FYB1: variants seen among roughly 807,000 people sequenced by gnomAD.
The protein encoded by FYB1 is FYN binding protein 1, also known as FYN-binding protein 1.
A neutral mutation model predicts 94.1 loss-of-function variants in FYB1; 41 were observed. The ratio of observed to expected loss-of-function variants is 0.44; its 90% CI spans 0.34 to 0.57. The LOEUF (loss-of-function observed/expected upper bound fraction) is 0.57, where lower values mean the gene tolerates loss of function less well. FYB1 is among the 20% of genes least tolerant of loss of function. The pLI, the probability that FYB1 is intolerant of heterozygous loss-of-function variation, is 0.02. For missense variants in FYB1, 1,050 were observed against 976.8 expected, an observed-to-expected ratio of 1.07 and a Z score of -1.00; for synonymous variants, 367 against 353.2, an observed-to-expected ratio of 1.04 and a Z score of -0.44.
chr5:39,151,269 A>G (rs1253139315), intron 3 of FYB1, among the ~76,000 whole-genome samples: 1 of 152,104 alleles, frequency 6.6e-6, no homozygotes, highest in African/African-American at 2.4e-5. Flanking sequence ...TCAAGTGCTA[A>G]TACCATATTC....
intron 3 of FYB1, among the ~76,000 whole-genome samples, chr5:39,144,869 A>C (rs1213745551): frequency 6.6e-6 from 1 of 152,194 alleles, no homozygotes; most frequent in Non-Finnish European, 1.5e-5. Context: ...TATACTTTGG[A>C]TTCTTATTCA....
At chr5:39,189,402 AG>A (rs1747160541) in intron 2 of FYB1, among the ~76,000 whole-genome samples, 1 of 152,214 alleles carries the variant, frequency 6.6e-6, no homozygotes, top group African/African-American at 2.4e-5. Flanking sequence ...GTTCATTTCT[AG>A]TAATACAATG....
intron 2 of FYB1, among the ~76,000 whole-genome samples, chr5:39,156,273 C>T (rs994534882): frequency 6.6e-6 from 1 of 152,096 alleles, no homozygotes; most frequent in Non-Finnish European, 1.5e-5. Context: ...TCTGCTTACT[C>T]GACATCTATT....
At chr5:39,193,845 A>G (rs747905079) in intron 2 of FYB1, among the ~76,000 whole-genome samples, 1 of 152,232 alleles carries the variant, frequency 6.6e-6, no homozygotes, top group Non-Finnish European at 1.5e-5. Flanking sequence ...AGACGAGCAC[A>G]GCTAACATTT....
chr5:39,211,715 T>G (rs1010912007), intron 1 of FYB1, among the ~76,000 whole-genome samples: 3 of 152,208 alleles, frequency 2.0e-5, no homozygotes, highest in Non-Finnish European at 2.9e-5. Flanking sequence ...GGAAAGATAC[T>G]GTTTGTCAAG....
rs374289260 is a variant in FYB1, at chr5:39,124,232, C to T, written c.2071+21G>A. ...GCAAGAAATGAAGATACAGAACATA[C>T]AATCAGTTTTTATTACTTACCCAAT... is the stretch of plus-strand genomic sequence containing the variant. On this transcript the variant is annotated intron_variant, in intron 13 of 18. Transcript: ENST00000512982. 7 of 1,523,478 alleles carry T rather than the reference C, an allele frequency of 4.6e-6. No individual in the cohort carries two copies. In the African/African-American group the frequency reaches 7.0e-5, roughly 15 times the overall value. The allele number at this position is 1,523,478 out of a possible 1,614,324, so 94.4% of individuals were successfully genotyped here.
intron 11 of FYB1, among the ~76,000 whole-genome samples, chr5:39,126,467 G>A (rs1262977143): frequency 6.6e-5 from 10 of 151,822 alleles, no homozygotes; most frequent in Non-Finnish European, 1.3e-4. Context: ...AAGCCAAAGT[G>A]GGAGGATTGC....
upstream of FYB1, among the ~76,000 whole-genome samples, chr5:39,223,314 A>C (rs1435747886): frequency 6.6e-6 from 1 of 152,074 alleles, no homozygotes; most frequent in Non-Finnish European, 1.5e-5. Flanking sequence ...AAATATGAGG[A>C]GCATATTTTC....
At chr5:39,126,168 A>C (rs1159484531) in intron 11 of FYB1, 33 bp from the exon 12 acceptor site, 8 of 1,604,750 alleles carry the variant, frequency 5.0e-6, no homozygotes, top group Non-Finnish European at 6.8e-6. Context: ...TCAGAATGTA[A>C]TAATCAGCGG....
chr5:39,135,031 A>T lies in FYB1; in HGVS notation c.1516-17T>A. 4 of 1,609,220 alleles carry T rather than the reference A, an allele frequency of 2.5e-6. No homozygotes were observed. Among genetic ancestry groups the T allele is most frequent in the Non-Finnish European group, 3.4e-6 (4 of 1,177,436 alleles). On this transcript the variant is annotated splice_polypyrimidine_tract_variant and intron_variant, in intron 7 of 18. Coordinates refer to ENST00000512982, the MANE Select transcript of FYB1 (RefSeq NM_001465.6). ...GCCTGTTAGCTGCAAAGAGAAAAAA[A>T]TAGTCACAAAAGATTTCCTTATAAT... is the stretch of plus-strand genomic sequence containing the variant.
At chr5:39,118,045 C>T (rs1469562385) in intron 16 of FYB1, among the ~76,000 whole-genome samples, 4 of 151,956 alleles carry the variant, frequency 2.6e-5, no homozygotes, top group Non-Finnish European at 5.9e-5. Flanking sequence ...GACTACAAGG[C>T]GCACACCGCT....
chr5:39,137,579 C>T, intron 7 of FYB1, 21 bp downstream of exon 7: 1 of 1,534,486 alleles, frequency 6.5e-7, no homozygotes, highest in East Asian at 2.5e-5. Flanking sequence ...TTCTTTCACT[C>T]ATTAGCAAGC....
At chr5:39,221,708 A>C (rs1002434685), upstream of FYB1, among the ~76,000 whole-genome samples, 1 of 152,152 alleles carries the variant, frequency 6.6e-6, no homozygotes, top group African/African-American at 2.4e-5. Flanking sequence ...AACAAAATAA[A>C]ATAATCCACT....
rs1743349876 is a variant in FYB1 at position 39,152,691 on chromosome 5, G to C, written c.1292+757C>G. On this transcript the variant is annotated intron_variant, in intron 3 of 18. Transcript: ENST00000512982. ...ACTTTTCTATTAAATCCTGGATAAA[G>C]AGCCCATGCATAGCAACCCCTACAG... Among the ~76,000 whole-genome samples the C allele has an allele frequency of 3.9e-5, 6 of 152,202 alleles. No individual in the cohort carries two copies. The South Asian group carries it at 1.0e-3, about 26-fold the overall frequency.
chr5:39,214,404 A>T (rs996398999), intron 1 of FYB1, among the ~76,000 whole-genome samples: 4 of 152,362 alleles, frequency 2.6e-5, no homozygotes, highest in Non-Finnish European at 5.9e-5. Context: ...ACCCAAAAGA[A>T]CTGAAAGCAG....
chr5:39,202,320 C>T lies in FYB1; in HGVS notation c.641G>A (p.Ser214Asn). 6.2e-7 allele frequency: 1 copy of T among 1,613,698 alleles called. No homozygotes were observed. Among genetic ancestry groups the T allele is most frequent in the Non-Finnish European group, 8.5e-7 (1 of 1,179,822 alleles). The change falls in exon 2 of 19, where the codon AGC becomes AAC. Residue 214 changes from serine (S) to asparagine (N), a missense_variant. Ser to Asn is a conservative substitution (Grantham distance 46). Transcript: ENST00000512982. ...TGATGAAGACACATTCTTCATGGGG[C>T]TTTCGTCTTCATGGGAGTTCTCGGT... ...LSTENSHEDE[S>N]PMKNVSSSKG...
chr5:39,233,466 A>G (rs1243163901), intron 1 of FYB1, among the ~76,000 whole-genome samples: 1 of 152,210 alleles, frequency 6.6e-6, no homozygotes, highest in Non-Finnish European at 1.5e-5. Context: ...TTTCAAGACC[A>G]TTGAATGCTT....
chr5:39,178,289 C>T (rs1466589175), intron 2 of FYB1, among the ~76,000 whole-genome samples: 2 of 152,194 alleles, frequency 1.3e-5, no homozygotes, highest in Non-Finnish European at 2.9e-5. Context: ...CATTTTTCCT[C>T]TGCAACATTC....
intron 2 of FYB1, among the ~76,000 whole-genome samples, chr5:39,165,990 G>C (rs1744691480): frequency 6.6e-6 from 1 of 152,212 alleles, no homozygotes; most frequent in African/African-American, 2.4e-5. Flanking sequence ...ATGTGGGCAA[G>C]GATGTCGAGT....
Sources: allele counts gnomAD v4.1 joint callset (sites outside exome capture counted in the v4.1 genomes callset), GRCh38; gene constraint gnomAD v4.1.1; transcripts MANE v1.5; gene names NCBI Gene and HGNC (gene_info 2026-07-23, HGNC 2026-07-21).